KLRG1: variants seen among roughly 807,000 people sequenced by gnomAD.
The protein encoded by KLRG1 is killer cell lectin like receptor G1, also known as killer cell lectin-like receptor subfamily G member 1.
A neutral mutation model predicts 21.8 loss-of-function variants in KLRG1; 16 were observed. The observed-to-expected ratio is 0.73, with a 90% CI of 0.50 to 1.11. The LOEUF (loss-of-function observed/expected upper bound fraction) is 1.11. KLRG1 is among the 50% of genes most tolerant of loss of function. KLRG1 has a pLI of 0.00. For missense variants in KLRG1, 173 were observed against 218.3 expected, an observed-to-expected ratio of 0.79 and a Z score of 1.31; for synonymous variants, 69 against 75.9, an observed-to-expected ratio of 0.91 and a Z score of 0.47.
the KLRG1 span, among the ~76,000 whole-genome samples, chr12:9,043,167 CCAGATTCAAG>C: frequency 6.6e-6 from 1 of 151,472 alleles, no homozygotes; most frequent in East Asian, 1.9e-4. Context: ...CTTCTGCCTC[CCAGATTCAAG>C]CAATTCTCCC....
At chr12:9,080,577 A>G in the KLRG1 span, among the ~76,000 whole-genome samples, 1 of 152,234 alleles carries the variant, frequency 6.6e-6, no homozygotes, top group Non-Finnish European at 1.5e-5. Context: ...AAGCCCTATA[A>G]GTATACATAA....
chr12:9,022,390 A>G, the KLRG1 span, among the ~76,000 whole-genome samples: 1 of 152,296 alleles, frequency 6.6e-6, no homozygotes, highest in East Asian at 1.9e-4. Context: ...CAGTGTATAC[A>G]TGGTTCTTTG....
At chr12:8,972,319 G>C (rs1456113499) in intron 1 of KLRG1, among the ~76,000 whole-genome samples, 1 of 152,086 alleles carries the variant, frequency 6.6e-6, no homozygotes, top group Non-Finnish European at 1.5e-5. Context: ...CACCACTCCT[G>C]GCTAATTTTT....
the KLRG1 span, among the ~76,000 whole-genome samples, chr12:9,199,419 T>G: frequency 6.6e-6 from 1 of 152,148 alleles, no homozygotes. Flanking sequence ...TGGAAATTTC[T>G]GGGGGAGAGA....
chr12:9,031,452 GT>G, the KLRG1 span, among the ~76,000 whole-genome samples: 2 of 152,208 alleles, frequency 1.3e-5, no homozygotes, highest in African/African-American at 4.8e-5. Flanking sequence ...CTTGAACTCA[GT>G]GGGACTTCAA....
the KLRG1 span, chr12:9,113,604 C>A: frequency 6.3e-5 from 91 of 1,454,170 alleles, no homozygotes; most frequent in Admixed American, 1.6e-3. Context: ...CTATCAACAG[C>A]ACTTTTTTCC....
At chr12:9,163,619 CCCG>C in the KLRG1 span, 2 of 1,598,368 alleles carry the variant, frequency 1.3e-6, no homozygotes, top group African/African-American at 1.3e-5. Context: ...AGAGTGACCG[CCCG>C]GTGTTGCATT....
the KLRG1 span, chr12:9,170,255 A>G: frequency 6.6e-6 from 1 of 152,026 alleles, no homozygotes; most frequent in African/African-American, 2.4e-5. This position sits in a 1 kb window ranked among gnomAD's most constrained non-coding sequence, Gnocchi z 4.6. Context: ...GGGAAATCAC[A>G]TTTCTCCCAA....
chr12:9,194,603 T>C, the KLRG1 span, among the ~76,000 whole-genome samples: 54 of 151,836 alleles, frequency 3.6e-4, 2 homozygotes, highest in East Asian at 9.0e-3. Context: ...TAGCTGGGAC[T>C]ACAGGCGCCC....
At chr12:9,015,994 G>A in the KLRG1 span, among the ~76,000 whole-genome samples, 1 of 151,920 alleles carries the variant, frequency 6.6e-6, no homozygotes, top group Non-Finnish European at 1.5e-5. Flanking sequence ...AAAATCTATG[G>A]GATACAATGA....
the KLRG1 span, among the ~76,000 whole-genome samples, chr12:9,039,097 T>A: frequency 1.3e-5 from 2 of 152,242 alleles, no homozygotes; most frequent in African/African-American, 2.4e-5. Flanking sequence ...TCTTTCCTGA[T>A]TGCAATATAT....
At chr12:9,126,952 C>G in the KLRG1 span, among the ~76,000 whole-genome samples, 41 of 152,296 alleles carry the variant, frequency 2.7e-4, no homozygotes, top group African/African-American at 7.9e-4. Flanking sequence ...AAATACAGAG[C>G]TATATGGTAA....
At chr12:9,003,492 T>C (rs1947367059) in intron 3 of KLRG1, among the ~76,000 whole-genome samples, 1 of 152,048 alleles carries the variant, frequency 6.6e-6, no homozygotes, top group Non-Finnish European at 1.5e-5. Context: ...ATCCATTCTT[T>C]TTTTCCTAAT....
the KLRG1 span, among the ~76,000 whole-genome samples, chr12:9,062,775 T>C: frequency 6.7e-6 from 1 of 148,718 alleles, no homozygotes; most frequent in Non-Finnish European, 1.5e-5. Flanking sequence ...ATATGATATA[T>C]ATTTATAGCA....
chr12:9,163,284 C>T, the KLRG1 span, among the ~76,000 whole-genome samples: 1 of 96,658 alleles, frequency 1.0e-5, no homozygotes, highest in Non-Finnish European at 2.1e-5. Flanking sequence ...AACCCCGTCT[C>T]TACTAAAAAT....
chr12:9,131,257 A>G, the KLRG1 span, among the ~76,000 whole-genome samples: 1 of 152,110 alleles, frequency 6.6e-6, no homozygotes, highest in African/African-American at 2.4e-5. Flanking sequence ...TGTTTTGGCT[A>G]TTTCAGATTC....
At chr12:9,062,091 T>C in the KLRG1 span, among the ~76,000 whole-genome samples, 64 of 149,810 alleles carry the variant, frequency 4.3e-4, 1 homozygote, top group African/African-American at 1.4e-3. Flanking sequence ...ATTTATATAT[T>C]GTATAAAAAA....
chr12:9,168,924 C>T, the KLRG1 span: 31 of 1,614,068 alleles, frequency 1.9e-5, no homozygotes, highest in Non-Finnish European at 2.3e-5. Flanking sequence ...TGACTGAACA[C>T]GACTTTGGTT....
chr12:8,970,823 T>C (rs1006114232), intron 1 of KLRG1, among the ~76,000 whole-genome samples: 3 of 152,282 alleles, frequency 2.0e-5, no homozygotes. Flanking sequence ...TGAATGGGTG[T>C]TGAATTTTTT....
Sources: allele counts gnomAD v4.1 joint callset (sites outside exome capture counted in the v4.1 genomes callset), GRCh38; gene constraint gnomAD v4.1.1; non-coding constraint Gnocchi (gnomAD v3.1); transcripts MANE v1.5; gene names NCBI Gene and HGNC (gene_info 2026-07-23, HGNC 2026-07-21).